EXO1: variants seen among roughly 807,000 people sequenced by gnomAD.
The protein encoded by EXO1 is exonuclease 1.
EXO1 carries 69 observed loss-of-function variants against 84.5 expected under a neutral mutation model. The observed-to-expected ratio is 0.82, with a 90% CI of 0.67 to 1.00. EXO1 has a LOEUF of 1.00. Ranked by LOEUF, EXO1 falls within the 50% of genes least tolerant of loss-of-function variation. The pLI is 0.00. For missense variants in EXO1, 1,045 were observed against 1,000.7 expected (o/e 1.04, Z -0.60); for synonymous variants, 373 against 366.1 (o/e 1.02, Z -0.21).
chr1:241,869,108 G>T (rs1439759581), intron 11 of EXO1, among the ~76,000 whole-genome samples: 1 of 152,020 alleles, frequency 6.6e-6, no homozygotes, highest in East Asian at 1.9e-4. Context: ...ATCTAAGCTT[G>T]TTTTCTTTTG....
chr1:241,849,824 G>C (rs1169787907), intron 3 of EXO1, among the ~76,000 whole-genome samples: 1 of 152,188 alleles, frequency 6.6e-6, no homozygotes, highest in East Asian at 1.9e-4. Flanking sequence ...CATGTGTCAG[G>C]AGTGAAAGTG....
rs769401961 is a variant in EXO1, at chr1:241,853,500, T to C, written c.405+19T>C. 6 of 1,613,672 alleles carry C rather than the reference T, an allele frequency of 3.7e-6. No homozygotes were observed. Among genetic ancestry groups the C allele is most frequent in the South Asian group, 2.2e-5 (2 of 91,062 alleles). ...AATTAAAGTAAGACAAAGGGGCAGA[T>C]GGGCAAGTTCACCAAAGCTAGTTAC... On this transcript the variant is annotated intron_variant, in intron 6 of 15. Coordinates refer to ENST00000366548, the MANE Select transcript of EXO1 (RefSeq NM_130398.4).
chr1:241,874,872 A>G (rs1662302667), intron 12 of EXO1, among the ~76,000 whole-genome samples: 2 of 152,370 alleles, frequency 1.3e-5, no homozygotes, highest in South Asian at 4.1e-4. Context: ...CACAACATGA[A>G]AAAGGAAATG....
chr1:241,876,532 A>T (rs954011052), intron 12 of EXO1, among the ~76,000 whole-genome samples: 20 of 152,062 alleles, frequency 1.3e-4, no homozygotes, highest in African/African-American at 4.3e-4. Context: ...CAGAGAGTTG[A>T]GATCGCACCC....
chr1:241,854,016 ACCT>A lies in EXO1; in HGVS notation c.405+542_405+544del, dbSNP rs529499446. On this transcript the variant is annotated intron_variant, in intron 6 of 15. Coordinates refer to ENST00000366548, the MANE Select transcript of EXO1 (RefSeq NM_130398.4). ...ACCCTACAGACTTCTGTTCCCTTTC[ACCT>A]CCTCCTTGCAGCAGCTTCTTTCCTT... 1.4e-4 allele frequency among the ~76,000 whole-genome samples: 21 copies of A among 151,638 alleles called. 1 individual carries two copies. Among genetic ancestry groups the A allele is most frequent in the Admixed American group, 1.4e-3 (21 of 15,246 alleles).
intron 12 of EXO1, among the ~76,000 whole-genome samples, chr1:241,876,738 C>T (rs968850445): frequency 6.6e-6 from 1 of 152,102 alleles, no homozygotes; most frequent in African/African-American, 2.4e-5. Flanking sequence ...GAGATTGAGG[C>T]TCTGAGAGGT....
chr1:241,879,184 T>C lies in EXO1; in HGVS notation c.1950T>C (p.Asp650=), dbSNP rs890293154. 1 of 1,605,478 alleles carries C rather than the reference T, an allele frequency of 6.2e-7. No individual in the cohort carries two copies. Among genetic ancestry groups the C allele is most frequent in the Non-Finnish European group, 8.5e-7 (1 of 1,173,042 alleles). ...CTTTGCCTGAGAATAATATGTCTGA[T>C]GTGTCGCAGTTAAAGAGCGAGGAGT... The part of the protein sequence containing the change: ...PTSLPENNMS[D]VSQLKSEESS... The change falls in exon 13 of 16, where the codon GAT becomes GAC. Residue 650 remains aspartate, a synonymous_variant. Coordinates refer to ENST00000366548, the MANE Select transcript of EXO1 (RefSeq NM_130398.4).
At chr1:241,849,319 T>G (rs1317854453) in intron 3 of EXO1, 103 bp downstream of exon 3, 2 of 152,244 alleles carry the variant, frequency 1.3e-5, no homozygotes, top group Admixed American at 1.3e-4. Flanking sequence ...AACTGCTCAG[T>G]GCCCATTACT....
At position 241,860,574 on chromosome 1, in the gene EXO1, A is replaced by G. The variant is rs765472230; in HGVS notation, c.814A>G (p.Ile272Val). ...KMNITVPEDY[I>V]NGFIRANNTF... The stretch of plus-strand genomic sequence containing the variant: ...GAATATCACGGTACCAGAGGATTAC[A>G]TCAACGGGTTTATTCGGGCCAACAA... Residue 272 changes from isoleucine to valine, a missense_variant, in exon 9 of 16, where the codon ATC becomes GTC. Coordinates refer to ENST00000366548, the MANE Select transcript of EXO1 (RefSeq NM_130398.4). 1.2e-6 allele frequency: 2 copies of G among 1,614,126 alleles called. No homozygotes were observed. The highest frequency in any genetic ancestry group is 1.7e-6 in the Non-Finnish European group (2 of 1,179,962).
chr1:241,863,709 A>C (rs899521448), intron 10 of EXO1, among the ~76,000 whole-genome samples: 1 of 152,230 alleles, frequency 6.6e-6, no homozygotes, highest in Non-Finnish European at 1.5e-5. Flanking sequence ...CCTTACACTC[A>C]GGTTGCTATT....
Position 241,882,015 on chromosome 1 carries a change from A to G in EXO1, c.2209A>G (p.Lys737Glu). 4 of 1,418,760 alleles carry G rather than the reference A, an allele frequency of 2.8e-6. No individual in the cohort carries two copies. The highest frequency in any genetic ancestry group is 2.3e-5 in the East Asian group (1 of 43,782). The allele number at this position is 1,418,760 out of a possible 1,614,324, so 87.9% of individuals were successfully genotyped here. Residue 737 changes from lysine (K) to glutamate (E), a missense_variant and splice_region_variant, in exon 14 of 16, where the codon AAG becomes GAG. Physicochemically the swap from Lys to Glu is moderately conservative, Grantham distance 56. Coordinates refer to ENST00000366548, the MANE Select transcript of EXO1 (RefSeq NM_130398.4). ...AAAAAAAGACACACCTCTAAGGAAC[A>G]AGGTAAAACATTTATTTAATTTTTT... ...FSKKDTPLRN[K>E]VPGLYKSSSA...
intron 14 of EXO1, among the ~76,000 whole-genome samples, chr1:241,884,822 C>A (rs958951267): frequency 6.6e-6 from 1 of 152,154 alleles, no homozygotes; most frequent in African/African-American, 2.4e-5. Context: ...TTACATATTA[C>A]CTGTTAAAAT....
chr1:241,864,953 A>C (rs1661623580), intron 10 of EXO1, among the ~76,000 whole-genome samples: 1 of 149,868 alleles, frequency 6.7e-6, no homozygotes, highest in Non-Finnish European at 1.5e-5. Flanking sequence ...GCACCATCAG[A>C]GCTCCTGGGC....
At chr1:241,850,314 T>C (rs1660589826) in intron 3 of EXO1, 95 bp from the exon 4 acceptor site, 2 of 879,558 alleles carry the variant, frequency 2.3e-6, no homozygotes, top group South Asian at 1.5e-5. Context: ...AATTTCTGCA[T>C]TGGACTCCAA....
At chr1:241,867,577 A>G (rs771946615) in intron 11 of EXO1, among the ~76,000 whole-genome samples, 10 of 151,748 alleles carry the variant, frequency 6.6e-5, no homozygotes, top group Non-Finnish European at 1.3e-4. Flanking sequence ...AGCCATTTTG[A>G]GTTAGTTTTT....
chr1:241,855,441 T>A (rs1558123476), intron 6 of EXO1, among the ~76,000 whole-genome samples: 1 of 152,118 alleles, frequency 6.6e-6, no homozygotes, highest in Non-Finnish European at 1.5e-5. Context: ...AGAGTGCCGA[T>A]TGGTGTATTT....
At chr1:241,850,726 C>A in intron 4 of EXO1, 140 bp downstream of exon 4, 1 of 719,700 alleles carries the variant, frequency 1.4e-6, no homozygotes, top group Admixed American at 2.1e-5. Flanking sequence ...TAGAATATTC[C>A]CAAATCAGGG....
intron 11 of EXO1, among the ~76,000 whole-genome samples, chr1:241,870,613 G>C (rs1016958332): frequency 2.0e-5 from 3 of 152,144 alleles, no homozygotes; most frequent in African/African-American, 7.2e-5. Flanking sequence ...GTTGATAATT[G>C]ATATTTGCCA....
At chr1:241,849,541 G>A (rs1304133623) in intron 3 of EXO1, among the ~76,000 whole-genome samples, 1 of 152,186 alleles carries the variant, frequency 6.6e-6, no homozygotes, top group Admixed American at 6.5e-5. Flanking sequence ...GTTGCCCCTG[G>A]GCGCCACCAC....
Sources: gnomAD v4.1 joint callset for allele counts (sites outside exome capture counted in the v4.1 genomes callset) on GRCh38, gnomAD v4.1.1 for gene constraint, MANE v1.5 for transcripts, NCBI Gene and HGNC (gene_info 2026-07-23, HGNC 2026-07-21) for gene names.